Variants in GFOD1 observed in about 807,000 individuals in gnomAD.
The protein encoded by GFOD1 is Gfo/Idh/MocA-like oxidoreductase domain containing 1.
Under a neutral mutation model 25.4 loss-of-function variants are expected in GFOD1, and 9 were observed. That is an observed-to-expected ratio of 0.35 (90% confidence interval 0.21 to 0.62). GFOD1 has a LOEUF of 0.62. GFOD1 is among the 20% of genes least tolerant of loss of function. The pLI is 0.72. For missense variants in GFOD1, 403 were observed against 556.9 expected, an observed-to-expected ratio of 0.72 and a Z score of 2.78; for synonymous variants, 253 against 245.6, an observed-to-expected ratio of 1.03 and a Z score of -0.28.
chr6:13,448,299 C>A (rs564410447), intron 1 of GFOD1, among the ~76,000 whole-genome samples: 42 of 152,292 alleles, frequency 2.8e-4, no homozygotes, highest in African/African-American at 9.9e-4. Flanking sequence ...TTTGTAAGTG[C>A]CCATCAGTCA....
intron 1 of GFOD1, among the ~76,000 whole-genome samples, chr6:13,371,452 C>G (rs1014672813): frequency 6.6e-6 from 1 of 152,216 alleles, no homozygotes. Context: ...TTTACATCCT[C>G]TTGTGGCAAA....
At chr6:13,431,854 C>T (rs1448885909) in intron 1 of GFOD1, among the ~76,000 whole-genome samples, 2 of 152,212 alleles carry the variant, frequency 1.3e-5, no homozygotes, top group East Asian at 3.9e-4. Flanking sequence ...TTTTGCCTGC[C>T]TTCAAAATCC....
At chr6:13,460,459 C>T (rs1293035447) in intron 1 of GFOD1, among the ~76,000 whole-genome samples, 4 of 152,176 alleles carry the variant, frequency 2.6e-5, no homozygotes, top group African/African-American at 9.7e-5. Context: ...GGTACATATA[C>T]ACCATGGAAT....
At chr6:13,431,098 ATCAC>A (rs1284738351) in intron 1 of GFOD1, among the ~76,000 whole-genome samples, 1 of 152,214 alleles carries the variant, frequency 6.6e-6, no homozygotes, top group Non-Finnish European at 1.5e-5. Flanking sequence ...CTTATTTTGA[ATCAC>A]TATGTTATAT....
chr6:13,359,962 G>C lies in GFOD1; in HGVS notation c.*4781C>G, dbSNP rs375470461. ...CTCTGTCTCAAAAAAAAAAAAAAAAGGATTTCCAGATTTCCCTGCAACTGC... is the reference window on the plus strand; with the variant it reads ...CTCTGTCTCAAAAAAAAAAAAAAAACGATTTCCAGATTTCCCTGCAACTGC... On this transcript the variant is annotated 3_prime_UTR_variant, in exon 2 of 2. Coordinates refer to ENST00000379287, the MANE Select transcript of GFOD1 (RefSeq NM_018988.4). The C allele has an allele frequency of 7.1e-6, 1 of 140,260 alleles. No individual in the cohort carries two copies. The highest frequency in any genetic ancestry group is 2.0e-4 in the East Asian group (1 of 5,104). The allele number at this position is 140,260 out of a possible 1,614,324, so 8.7% of individuals were successfully genotyped here.
intron 1 of GFOD1, 110 bp downstream of exon 1, chr6:13,486,528 G>T: frequency 1.1e-6 from 1 of 887,958 alleles, no homozygotes; most frequent in Non-Finnish European, 1.7e-6. Context: ...GGGCAGCGTA[G>T]ATGCAGGGTA....
At chr6:13,390,780 A>AAAGGAAGGAAGGAAGG (rs58707530) in intron 1 of GFOD1, among the ~76,000 whole-genome samples, 9,105 of 117,544 alleles carry the variant, frequency 0.077, 554 homozygotes, top group Middle Eastern at 0.12. Flanking sequence ...AGAGAGAGAG[A>AAAGGAAGGAAGGAAGG]AAGGAAGGAA....
intron 1 of GFOD1, among the ~76,000 whole-genome samples, chr6:13,429,042 A>C (rs776615895): frequency 3.3e-5 from 5 of 152,214 alleles, no homozygotes; most frequent in Non-Finnish European, 5.9e-5. Context: ...AGGACTCTAC[A>C]AACATGAGCC....
At chr6:13,369,697 C>G (rs1319695974) in intron 1 of GFOD1, among the ~76,000 whole-genome samples, 1 of 152,120 alleles carries the variant, frequency 6.6e-6, no homozygotes, top group Non-Finnish European at 1.5e-5. Flanking sequence ...AACGCAAATA[C>G]CCAACAGAAA....
rs1554199393 is a variant in GFOD1, at chr6:13,374,267, T to TGTGTGTGTGTG, written c.254-8606_254-8605insCACACACACAC. Among the ~76,000 whole-genome samples the TGTGTGTGTGTG allele has an allele frequency of 6.6e-3, 887 of 133,862 alleles. 8 individuals are homozygous for TGTGTGTGTGTG. Among genetic ancestry groups the TGTGTGTGTGTG allele is most frequent in the Non-Finnish European group, 0.01 (642 of 64,042 alleles). The allele number at this position is 133,862 out of a possible 152,430, so 87.8% of individuals were successfully genotyped here. ...AGCCTAGTCTTTTTAAAAATATGTT[T>TGTGTGTGTGTG]TTTTTTTGTGTGTGTGTGTGTGTGT... is the stretch of plus-strand genomic sequence containing the variant. On this transcript the variant is annotated intron_variant, in intron 1 of 1. Coordinates refer to ENST00000379287, the MANE Select transcript of GFOD1 (RefSeq NM_018988.4).
chr6:13,367,860 G>T (rs1201210294), intron 1 of GFOD1, among the ~76,000 whole-genome samples: 3 of 152,104 alleles, frequency 2.0e-5, no homozygotes, highest in Admixed American at 6.5e-5. Flanking sequence ...CCTGGGGCAG[G>T]TCTCTGTGGT....
At position 13,374,273 on chromosome 6, in the gene GFOD1, T is replaced by TTGTGTG. The variant is rs567594703; in HGVS notation, c.254-8617_254-8612dup. On this transcript the variant is annotated intron_variant, in intron 1 of 1. Transcript: ENST00000379287. ...GTCTTTTTAAAAATATGTTTTTTTT[T>TTGTGTG]TGTGTGTGTGTGTGTGTGTGTGTGT... Among the ~76,000 whole-genome samples, 608 of 134,402 alleles carry TTGTGTG rather than the reference T, an allele frequency of 4.5e-3. 4 individuals are homozygous for TTGTGTG. Among genetic ancestry groups the TTGTGTG allele is most frequent in the African/African-American group, 0.016 (546 of 34,426 alleles). The allele number at this position is 134,402 out of a possible 152,430, so 88.2% of individuals were successfully genotyped here. A position where few individuals can be genotyped will look rare whatever the true frequency, so the allele number is the denominator to read the frequency against.
At chr6:13,395,647 T>C (rs1274063959) in intron 1 of GFOD1, among the ~76,000 whole-genome samples, 4 of 152,162 alleles carry the variant, frequency 2.6e-5, no homozygotes, top group African/African-American at 4.8e-5. Flanking sequence ...TAAAGATAAC[T>C]TATGTAAAGC....
intron 1 of GFOD1, among the ~76,000 whole-genome samples, chr6:13,468,688 C>T (rs1009744009): frequency 8.5e-5 from 13 of 152,068 alleles, no homozygotes; most frequent in Non-Finnish European, 1.8e-4. Flanking sequence ...ACTTGGTTTC[C>T]CCTGGGTGTT....
rs1758885120 is a variant in GFOD1, at chr6:13,486,899, A to G, written c.-9T>C. The G allele has an allele frequency of 1.2e-6, 2 of 1,606,576 alleles. No individual in the cohort carries two copies. Among genetic ancestry groups the G allele is most frequent in the Admixed American group, 3.3e-5 (2 of 59,960 alleles). On this transcript the variant is annotated 5_prime_UTR_variant, in exon 1 of 2. Coordinates refer to ENST00000379287, the MANE Select transcript of GFOD1 (RefSeq NM_018988.4). ...CCCACCCCGGGAAGCATGGCTGCTC[A>G]GAGCCGCCTGGTTCTGCTTCTGCTC...
chr6:13,382,727 G>A (rs186005033), intron 1 of GFOD1, among the ~76,000 whole-genome samples: 156 of 152,328 alleles, frequency 1.0e-3, no homozygotes, highest in Middle Eastern at 3.4e-3. Flanking sequence ...ATAGGTAAAT[G>A]TGTGTCATGG....
rs1758887394 is a variant in GFOD1 at position 13,486,981 on chromosome 6, C to T, written c.-91G>A. 3 of 1,455,834 alleles carry T rather than the reference C, an allele frequency of 2.1e-6. No homozygotes were observed. Among genetic ancestry groups the T allele is most frequent in the Admixed American group, 2.1e-5 (1 of 47,474 alleles). The allele number at this position is 1,455,834 out of a possible 1,614,324, so 90.2% of individuals were successfully genotyped here. On this transcript the variant is annotated 5_prime_UTR_variant, in exon 1 of 2. Coordinates refer to ENST00000379287, the MANE Select transcript of GFOD1 (RefSeq NM_018988.4). ...CCTCTAGCCAGTCCTGCACCCCGCT[C>T]CTGTAGCCAATCTAGCCGCGGTGCG...
intron 1 of GFOD1, among the ~76,000 whole-genome samples, chr6:13,475,985 T>G (rs74520656): frequency 0.063 from 9,605 of 152,166 alleles, 995 homozygotes; most frequent in African/African-American, 0.22. Flanking sequence ...TCTCCTATGT[T>G]GCTAGTGGGA....
At chr6:13,424,695 G>T (rs1786321568) in intron 1 of GFOD1, among the ~76,000 whole-genome samples, 1 of 151,948 alleles carries the variant, frequency 6.6e-6, no homozygotes, top group Non-Finnish European at 1.5e-5. Context: ...ATTAATAGTG[G>T]TTATTCCTCA....
Sources: gnomAD v4.1 joint callset for allele counts (sites outside exome capture counted in the v4.1 genomes callset) on GRCh38, gnomAD v4.1.1 for gene constraint, MANE v1.5 for transcripts, NCBI Gene and HGNC (gene_info 2026-07-23, HGNC 2026-07-21) for gene names.